Variants in SOX13 observed in about 807,000 individuals in gnomAD.
The protein encoded by SOX13 is transcription factor SOX-13.
In SOX13, 28 loss-of-function variants were observed where a neutral mutation model predicts 71.8. That is an observed-to-expected ratio of 0.39 (90% CI 0.29 to 0.53). The LOEUF is 0.53. Among genes scored for constraint, SOX13 ranks in the 20% least tolerant of loss-of-function variants. The pLI is 0.70. For missense variants in SOX13, 627 were observed against 810.3 expected (o/e 0.77, Z 2.75); for synonymous variants, 309 against 317.8 (o/e 0.97, Z 0.29).
At chr1:204,097,405 T>C (rs1656272394) in intron 1 of SOX13, among the ~76,000 whole-genome samples, 1 of 151,970 alleles carries the variant, frequency 6.6e-6, no homozygotes, top group South Asian at 2.1e-4. Flanking sequence ...AAAACTTGCT[T>C]ATGAGGCCGG....
At chr1:204,103,877 C>T (rs982468539) in intron 1 of SOX13, among the ~76,000 whole-genome samples, 4 of 152,224 alleles carry the variant, frequency 2.6e-5, no homozygotes, top group Admixed American at 1.3e-4. Context: ...GACCTCTTCT[C>T]GGTTTGGGAC....
Position 204,073,480 on chromosome 1 carries a change from G to A in SOX13, c.-233G>A, listed in dbSNP as rs999446656. On this transcript the variant is annotated 5_prime_UTR_variant, in exon 1 of 14. Coordinates refer to ENST00000367204, the MANE Select transcript of SOX13 (RefSeq NM_005686.3). The surrounding 1 kb of genome is among the most constrained non-coding windows in gnomAD (Gnocchi z 6.8). Reference sequence around the variant, plus strand: ...GGAACCAAGCTCGCCGCCCGGGACGGCGGGCCCCGTGGGGCGCGGACCCAG... The same window carrying A: ...GGAACCAAGCTCGCCGCCCGGGACGACGGGCCCCGTGGGGCGCGGACCCAG... The A allele has an allele frequency of 6.6e-6, 1 of 151,876 alleles. No homozygotes were observed. Among genetic ancestry groups the A allele is most frequent in the African/African-American group, 2.4e-5 (1 of 41,410 alleles). The allele number at this position is 151,876 out of a possible 1,614,324, so 9.4% of individuals were successfully genotyped here.
At chr1:204,075,647 A>G (rs1655772578) in intron 1 of SOX13, among the ~76,000 whole-genome samples, 1 of 152,160 alleles carries the variant, frequency 6.6e-6, no homozygotes, top group Non-Finnish European at 1.5e-5. Flanking sequence ...GGCCAAATAT[A>G]GCCTAGTGGT....
At chr1:204,078,259 T>C (rs1191214204) in intron 1 of SOX13, 1 of 152,122 alleles carries the variant, frequency 6.6e-6, no homozygotes, top group Non-Finnish European at 1.5e-5. Context: ...GGGATCTAGG[T>C]GTCCTTGCCC....
intron 9 of SOX13, 45 bp from the exon 10 acceptor site, chr1:204,122,808 TC>T: frequency 7.9e-7 from 1 of 1,259,558 alleles, no homozygotes; most frequent in South Asian, 1.4e-5. Context: ...GCTGATGCCC[TC>T]AGCTTCTCTC....
At chr1:204,119,555 T>C (rs1215691490) in intron 7 of SOX13, 4 of 152,104 alleles carry the variant, frequency 2.6e-5, no homozygotes, top group Non-Finnish European at 5.9e-5. Context: ...ACATAGGAAT[T>C]GGGGTGGGGG....
intron 1 of SOX13, among the ~76,000 whole-genome samples, chr1:204,079,186 T>A (rs61825727): frequency 0.26 from 39,866 of 151,506 alleles, 5,873 homozygotes; most frequent in South Asian, 0.48. Flanking sequence ...TAGTCCCAGC[T>A]GCTGGGGAGG....
chr1:204,115,440 T>C (rs895323465), intron 4 of SOX13, among the ~76,000 whole-genome samples: 1 of 137,552 alleles, frequency 7.3e-6, no homozygotes, highest in Non-Finnish European at 1.5e-5. Context: ...TGGGCCTCTA[T>C]ACTTCTCAAA....
In SOX13 at chr1:204,125,899, T is replaced by C; in HGVS notation, c.1634T>C (p.Leu545Pro). 1.2e-6 allele frequency: 2 copies of C among 1,613,074 alleles called. No homozygotes were observed. The highest frequency in any genetic ancestry group is 1.7e-6 in the Non-Finnish European group (2 of 1,179,722). ...GQVQMSSSDV[L>P]YPRAAGMPLA... ...GTGCAGATGAGCTCCTCAGATGTCC[T>C]GTACCCTCGGGCAGCAGGCATGCCG... is the stretch of plus-strand genomic sequence containing the variant. Residue 545 changes from leucine to proline, a missense_variant, in exon 14 of 14, where the codon CTG (leucine) becomes CCG (proline). Around this residue, in one of 3 missense-constraint regions of SOX13, gnomAD observed 148 missense variants for 192.7 expected, o/e 0.77. Coordinates refer to ENST00000367204, the MANE Select transcript of SOX13 (RefSeq NM_005686.3).
chr1:204,094,485 C>T (rs1443531790), intron 1 of SOX13, among the ~76,000 whole-genome samples: 1 of 152,212 alleles, frequency 6.6e-6, no homozygotes. Context: ...TGTTGACCCC[C>T]TTCCCTCGGG....
chr1:204,114,674 C>T (rs530779682), intron 4 of SOX13, 69 bp downstream of exon 4: 160 of 1,242,704 alleles, frequency 1.3e-4, no homozygotes, highest in South Asian at 6.2e-4. Flanking sequence ...GGCCACGCAG[C>T]CTGGCTCTGT....
At chr1:204,102,528 G>A (rs780460260) in intron 1 of SOX13, among the ~76,000 whole-genome samples, 3 of 152,142 alleles carry the variant, frequency 2.0e-5, no homozygotes, top group Non-Finnish European at 2.9e-5. Flanking sequence ...GCACTGTGGG[G>A]CACCTGCTGG....
intron 1 of SOX13, among the ~76,000 whole-genome samples, chr1:204,086,486 T>G (rs762110191): frequency 9.2e-6 from 1 of 109,158 alleles, no homozygotes; most frequent in Non-Finnish European, 2.0e-5. Context: ...CTATTTTTCA[T>G]AGAGAAGGAG....
At chr1:204,092,176 G>GCTA (rs35420975) in intron 1 of SOX13, among the ~76,000 whole-genome samples, 8,559 of 151,596 alleles carry the variant, frequency 0.056, 798 homozygotes, top group African/African-American at 0.2. Flanking sequence ...TTAGGCATGT[G>GCTA]CTACTACACA....
chr1:204,085,825 A>G (rs1408182147), intron 1 of SOX13, among the ~76,000 whole-genome samples: 2 of 151,880 alleles, frequency 1.3e-5, no homozygotes, highest in Non-Finnish European at 2.9e-5. Context: ...AAAAAATACA[A>G]AAAAATTAGC....
rs140839475 is a variant in SOX13, at chr1:204,093,781, G to A, written c.-1-19134G>A. ...CATCTGTACAATGAGTTTTGTCCCT[G>A]AAGAAAATCCACCTGTGAAGTGCTT... On this transcript the variant is annotated intron_variant, in intron 1 of 13. Transcript: ENST00000367204. Among the ~76,000 whole-genome samples the A allele has an allele frequency of 5.2e-3, 795 of 152,346 alleles. 4 individuals are homozygous for A. The highest frequency in any genetic ancestry group is 9.0e-3 in the Non-Finnish European group (615 of 68,034).
chr1:204,085,968 C>CA (rs761848065), intron 1 of SOX13, among the ~76,000 whole-genome samples: 4,054 of 97,862 alleles, frequency 0.041, 157 homozygotes, highest in African/African-American at 0.13. Flanking sequence ...GACTCCGTCT[C>CA]AAAAAAAAAA....
intron 2 of SOX13, 108 bp downstream of exon 2, chr1:204,113,242 G>A (rs965557067): frequency 5.3e-6 from 5 of 940,516 alleles, no homozygotes; most frequent in Non-Finnish European, 7.7e-6. Flanking sequence ...ACAGGCAGAA[G>A]TGGTGATCCT....
intron 1 of SOX13, among the ~76,000 whole-genome samples, chr1:204,079,357 T>TG (rs971696766): frequency 2.7e-5 from 4 of 148,746 alleles, no homozygotes; most frequent in African/African-American, 4.9e-5. Flanking sequence ...TTTTTTTTTT[T>TG]TTTTTTGAGA....
Sources: gnomAD v4.1 joint callset for allele counts (sites outside exome capture counted in the v4.1 genomes callset) on GRCh38, gnomAD v4.1.1 for gene constraint, gnomAD v4.1.1 regional missense constraint, Gnocchi (gnomAD v3.1) non-coding constraint, MANE v1.5 for transcripts, NCBI Gene and HGNC (gene_info 2026-07-23, HGNC 2026-07-21) for gene names.